ZNF75D: variants seen among roughly 807,000 people sequenced by gnomAD.
ZNF75D encodes the protein zinc finger protein 75.
Under a neutral mutation model 33.3 loss-of-function variants are expected in ZNF75D, and 33 were observed. The ratio of observed to expected loss-of-function variants is 0.99; its 90% CI spans 0.75 to 1.32. The LOEUF (loss-of-function observed/expected upper bound fraction) is 1.32. Among genes scored for constraint, ZNF75D ranks in the 40% most tolerant of loss-of-function variants. The pLI, the probability that ZNF75D is intolerant of heterozygous loss-of-function variation, is 0.00. For synonymous variants in ZNF75D, 113 were observed against 130.6 expected (o/e 0.87, Z 0.92); for missense variants, 338 against 367.5 (o/e 0.92, Z 0.66).
At chrX:135,284,079 C>G (rs1757910698), downstream of ZNF75D, among the ~76,000 whole-genome samples, 1 of 111,799 alleles carries the variant, frequency 8.9e-6, no homozygotes, top group Admixed American at 9.4e-5. Flanking sequence ...GTTCATACCC[C>G]CTCACACTTG....
At chrX:135,328,854 C>T (rs1556438849) in intron 1 of ZNF75D, among the ~76,000 whole-genome samples, 1 of 112,025 alleles carries the variant, frequency 8.9e-6, no homozygotes, top group African/African-American at 3.3e-5. Flanking sequence ...TTCCCTCTGA[C>T]CACGCTCCTT....
chrX:135,266,173 C>A (rs992548166), intron 1 of ZNF75D, among the ~76,000 whole-genome samples: 29 of 111,094 alleles, frequency 2.6e-4, no homozygotes, highest in African/African-American at 8.8e-4. Context: ...CAGAGAAAAT[C>A]ACCTTCACTA....
At chrX:135,301,645 C>T (rs2084219854) in intron 1 of ZNF75D, among the ~76,000 whole-genome samples, 1 of 112,101 alleles carries the variant, frequency 8.9e-6, no homozygotes, top group Non-Finnish European at 1.9e-5. Context: ...AAATAATCTC[C>T]TTTAACTCCA....
chrX:135,339,521 C>T (rs1439922732), intron 1 of ZNF75D, among the ~76,000 whole-genome samples: 2 of 112,244 alleles, frequency 1.8e-5, no homozygotes, highest in African/African-American at 6.5e-5. Context: ...CCCAGAGCTA[C>T]CAGTAGGATG....
At position 135,293,769 on chromosome X, in the gene ZNF75D, C is replaced by T; in HGVS notation, c.372G>A (p.Val124=). Residue 124 remains valine (V), a synonymous_variant, in exon 3 of 7, where the codon GTG becomes GTA. Coordinates refer to ENST00000370766, the MANE Select transcript of ZNF75D (RefSeq NM_007131.5). ...PQNVKQALVL[V]EFLQREPDGT... Reference sequence around the variant, plus strand: ...CATCAGGCTCCCTCTGCAAGAATTCCACCAGGACCAGAGCCTGTTTGACAT... The same window carrying T: ...CATCAGGCTCCCTCTGCAAGAATTCTACCAGGACCAGAGCCTGTTTGACAT... 1 of 1,191,433 alleles carries T rather than the reference C, an allele frequency of 8.4e-7. No individual in the cohort carries two copies. Among genetic ancestry groups the T allele is most frequent in the Non-Finnish European group, 1.1e-6 (1 of 884,524 alleles).
At chrX:135,302,423 G>C (rs1415508948) in intron 1 of ZNF75D, among the ~76,000 whole-genome samples, 1 of 112,110 alleles carries the variant, frequency 8.9e-6, no homozygotes, top group African/African-American at 3.2e-5. Context: ...AAGTGAGTGA[G>C]CTGCAATTGT....
chrX:135,257,765 G>A (rs1556414528), intron 1 of ZNF75D, among the ~76,000 whole-genome samples: 1 of 112,326 alleles, frequency 8.9e-6, no homozygotes, highest in African/African-American at 3.2e-5. Context: ...TTCTGGAGGA[G>A]GGGAGGTCTC....
intron 1 of ZNF75D, among the ~76,000 whole-genome samples, chrX:135,331,010 C>T (rs1172984885): frequency 1.8e-5 from 2 of 111,483 alleles, no homozygotes; most frequent in African/African-American, 3.3e-5. Context: ...AGATATCCAT[C>T]CAGTTCTCCT....
chrX:135,287,878 G>A, intron 6 of ZNF75D, 32 bp from the exon 7 acceptor site: 3 of 1,058,947 alleles, frequency 2.8e-6, no homozygotes, highest in South Asian at 2.0e-5. Context: ...TCAGCCATCT[G>A]TGTCCCAGTG....
At chrX:135,327,305 C>T in intron 1 of ZNF75D, among the ~76,000 whole-genome samples, 1 of 112,696 alleles carries the variant, frequency 8.9e-6, no homozygotes, top group Non-Finnish European at 1.9e-5. Context: ...ATCTCCCAGA[C>T]CACTGAGCAG....
At chrX:135,338,929 T>G (rs2084749383) in intron 1 of ZNF75D, among the ~76,000 whole-genome samples, 1 of 99,166 alleles carries the variant, frequency 1.0e-5, no homozygotes, top group Non-Finnish European at 2.0e-5. Flanking sequence ...TTCACCTCCC[T>G]CCTGCTATTC....
chrX:135,261,698 G>A (rs1245802687), intron 1 of ZNF75D, among the ~76,000 whole-genome samples: 2 of 111,681 alleles, frequency 1.8e-5, no homozygotes, highest in Non-Finnish European at 3.8e-5. Flanking sequence ...GTCTCTGCAC[G>A]TGAGATGGGT....
At chrX:135,293,681 T>G (rs149819788) in intron 3 of ZNF75D, 49 bp downstream of exon 3, 27,454 of 1,085,617 alleles carry the variant, frequency 0.025, 313 homozygotes, top group South Asian at 0.045. Context: ...TTCTGATATA[T>G]CCACTTTTAT....
intron 1 of ZNF75D, chrX:135,327,878 G>C (rs782532826): frequency 8.9e-6 from 1 of 112,148 alleles, no homozygotes; most frequent in South Asian, 3.7e-4. Context: ...CCCAGCTTTG[G>C]TCATGACTGT....
exon 4 of ZNF75D, chrX:135,249,052 G>A: frequency 3.1e-6 from 1 of 325,642 alleles, no homozygotes; most frequent in Non-Finnish European, 6.0e-6. Flanking sequence ...CAAAGGCCAG[G>A]TCCACCCTGG....
rs782639610 is a variant in ZNF75D, at chrX:135,316,020, G to A, written c.-390-19981C>T. 7.2e-5 allele frequency among the ~76,000 whole-genome samples: 8 copies of A among 110,855 alleles called. 1 individual carries two copies. Among genetic ancestry groups the A allele is most frequent in the South Asian group, 7.5e-4 (2 of 2,669 alleles). ...TCTCTGTTCCTTTTTTTCCCTTATC[G>A]TTTGTCACTGTGGTTTGGAAATTAC... On this transcript the variant is annotated intron_variant, in intron 1 of 6. Transcript: ENST00000370766.
chrX:135,330,787 T>C (rs2084642185), intron 1 of ZNF75D: 2 of 112,920 alleles, frequency 1.8e-5, no homozygotes, highest in African/African-American at 6.4e-5. Context: ...GTTTTTATGC[T>C]GATATGGCTT....
intron 1 of ZNF75D, among the ~76,000 whole-genome samples, chrX:135,319,671 G>A (rs1224805147): frequency 8.9e-6 from 1 of 112,175 alleles, no homozygotes; most frequent in Non-Finnish European, 1.9e-5. Context: ...AGGCAAAGTT[G>A]GGGGGCCAAT....
At chrX:135,266,047 T>C (rs1267037223) in intron 1 of ZNF75D, among the ~76,000 whole-genome samples, 1 of 111,866 alleles carries the variant, frequency 8.9e-6, no homozygotes, top group Non-Finnish European at 1.9e-5. Flanking sequence ...TATTAAGTTC[T>C]CATCAGTTCA....
Sources: gnomAD v4.1 joint callset for allele counts (sites outside exome capture counted in the v4.1 genomes callset) on GRCh38, gnomAD v4.1.1 for gene constraint, MANE v1.5 for transcripts, NCBI Gene and HGNC (gene_info 2026-07-23, HGNC 2026-07-21) for gene names.